Variants in MAPRE1 observed in about 807,000 individuals in gnomAD.
MAPRE1 encodes microtubule-associated protein RP/EB family member 1.
In MAPRE1, 5 loss-of-function variants were observed where a neutral mutation model predicts 32.1. The ratio of observed to expected loss-of-function variants is 0.16; its 90% CI spans 0.08 to 0.33. The LOEUF (loss-of-function observed/expected upper bound fraction) is 0.33, where lower values mean the gene tolerates loss of function less well. Among genes scored for constraint, MAPRE1 ranks in the 10% least tolerant of loss-of-function variants. The probability of loss-of-function intolerance (pLI) is 1.00; values close to 1 mark genes in which losing one functional copy is unlikely to be tolerated. For missense variants in MAPRE1, 209 were observed against 327.2 expected, an observed-to-expected ratio of 0.64 and a Z score of 2.79; for synonymous variants, 122 against 118.9, an observed-to-expected ratio of 1.03 and a Z score of -0.17.
chr20:32,829,103 G>A (rs529321753), intron 2 of MAPRE1, among the ~76,000 whole-genome samples: 2 of 152,096 alleles, frequency 1.3e-5, no homozygotes, highest in African/African-American at 2.4e-5. Context: ...TACTAGAGAC[G>A]GGGTTTCACC....
At chr20:32,837,998 G>A (rs1424220524) in intron 4 of MAPRE1, among the ~76,000 whole-genome samples, 1 of 152,142 alleles carries the variant, frequency 6.6e-6, no homozygotes, top group Non-Finnish European at 1.5e-5. Context: ...CAGGAGAATC[G>A]CTTGAACCCA....
upstream of MAPRE1, chr20:32,819,808 C>G (rs932709064): frequency 6.6e-6 from 1 of 152,178 alleles, no homozygotes; most frequent in African/African-American, 2.4e-5. Flanking sequence ...CCTCGGCTAC[C>G]GTTCTGTGGA....
chr20:32,846,492 T>C (rs1983509153), intron 5 of MAPRE1, 126 bp from the exon 6 acceptor site: 2 of 846,112 alleles, frequency 2.4e-6, no homozygotes, highest in Non-Finnish European at 3.8e-6. Context: ...GACATTAAAC[T>C]GATGTGGTTT....
rs201982572 is a variant in MAPRE1, at chr20:32,825,789, CAAAATAAAAT to C, written c.-3-115_-3-106del. 20 of 627,526 alleles carry C rather than the reference CAAAATAAAAT, an allele frequency of 3.2e-5. 1 individual carries two copies. In the South Asian group the frequency reaches 4.4e-4, roughly 14 times the overall value. 38.9% of individuals were successfully genotyped at this position (627,526 alleles called of 1,614,324 possible). On this transcript the variant is annotated intron_variant, in intron 1 of 6. Coordinates refer to ENST00000375571, the MANE Select transcript of MAPRE1 (RefSeq NM_012325.3). ...TGGGCGACAGAGTGAGACTCTGTCT[CAAAATAAAAT>C]AAAATAAAATAAAATAAAATTGAGT...
intron 2 of MAPRE1, among the ~76,000 whole-genome samples, chr20:32,832,124 C>T (rs571476787): frequency 3.1e-4 from 47 of 152,254 alleles, no homozygotes; most frequent in African/African-American, 1.0e-3. Flanking sequence ...CCAAAAATAA[C>T]GGTAACCGAA....
intron 2 of MAPRE1, among the ~76,000 whole-genome samples, chr20:32,831,456 G>A (rs1200383336): frequency 6.8e-6 from 1 of 148,110 alleles, no homozygotes; most frequent in Non-Finnish European, 1.5e-5. Context: ...TCATGCATAA[G>A]TTGTTGACTT....
chr20:32,848,992 C>A lies in MAPRE1; in HGVS notation c.*264C>A. The A allele has an allele frequency of 3.1e-6, 1 of 319,338 alleles. No individual in the cohort carries two copies. Among genetic ancestry groups the A allele is most frequent in the Non-Finnish European group, 5.8e-6 (1 of 173,544 alleles). The allele number at this position is 319,338 out of a possible 1,614,324, so 19.8% of individuals were successfully genotyped here. ...GAGGCTGACCGTGGGGCTCACCATG[C>A]GGATGCGGGTCACACTGAATGCTGG... On this transcript the variant is annotated 3_prime_UTR_variant, in exon 7 of 7. Coordinates refer to ENST00000375571, the MANE Select transcript of MAPRE1 (RefSeq NM_012325.3).
chr20:32,833,017 C>T (rs1156747680), intron 2 of MAPRE1, among the ~76,000 whole-genome samples: 7 of 151,340 alleles, frequency 4.6e-5, no homozygotes, highest in South Asian at 2.1e-4. Flanking sequence ...AATTAAATGA[C>T]GGGTTGGCTG....
Position 32,836,741 on chromosome 20 carries a change from C to G in MAPRE1, c.375C>G (p.Asp125Glu), listed in dbSNP as rs892043710. ...CAAACTATGATGGAAAAGACTATGA[C>G]CCTGTGGCTGCCAGACAAGGTCAAG... is the stretch of plus-strand genomic sequence containing the variant. ...FDANYDGKDY[D>E]PVAARQGQET... Residue 125 changes from aspartate to glutamate, a missense_variant, in exon 4 of 7, where the codon GAC becomes GAG. Around this residue, in one of 3 missense-constraint regions of MAPRE1, gnomAD observed 106 missense variants for 115.3 expected, o/e 0.92. Coordinates refer to ENST00000375571, the MANE Select transcript of MAPRE1 (RefSeq NM_012325.3). 6.2e-7 allele frequency: 1 copy of G among 1,613,970 alleles called. No individual in the cohort carries two copies. Among genetic ancestry groups the G allele is most frequent in the Admixed American group, 1.7e-5 (1 of 60,006 alleles).
chr20:32,834,247 G>A (rs35802810), intron 3 of MAPRE1, among the ~76,000 whole-genome samples: 28 of 152,204 alleles, frequency 1.8e-4, no homozygotes, highest in African/African-American at 5.8e-4. Context: ...TAGGCCAGGC[G>A]TGGTGGCTCA....
chr20:32,824,857 TA>T (rs1982797773), intron 1 of MAPRE1, among the ~76,000 whole-genome samples: 1 of 151,426 alleles, frequency 6.6e-6, no homozygotes, highest in Non-Finnish European at 1.5e-5. Context: ...TAGGAATTAA[TA>T]AAAACCCATC....
In MAPRE1 at chr20:32,833,770, A is replaced by C; in HGVS notation, c.175A>C (p.Lys59Gln). 6.2e-7 allele frequency: 1 copy of C among 1,614,130 alleles called. No individual in the cohort carries two copies. Among genetic ancestry groups the C allele is most frequent in the Non-Finnish European group, 8.5e-7 (1 of 1,180,016 alleles). The change falls in exon 3 of 7, where the codon AAG becomes CAG. Residue 59 changes from lysine (K) to glutamine (Q), a missense_variant. By Grantham distance (53) the Lys-to-Gln change is moderately conservative. Coordinates refer to ENST00000375571, the MANE Select transcript of MAPRE1 (RefSeq NM_012325.3). ...DMLFPGSIAL[K>Q]KVKFQAKLEH... is the part of the protein sequence containing the mutation. Reference sequence around the variant, plus strand: ...GCTGTTCCCTGGCTCCATTGCCTTGAAGAAAGTGAAATTCCAAGCTAAGCT... The same window carrying C: ...GCTGTTCCCTGGCTCCATTGCCTTGCAGAAAGTGAAATTCCAAGCTAAGCT...
chr20:32,843,155 T>G (rs1983410316), intron 5 of MAPRE1: 1 of 152,156 alleles, frequency 6.6e-6, no homozygotes, highest in Admixed American at 6.5e-5. Context: ...ATTTATTTAT[T>G]TATTAAATAT....
chr20:32,831,696 C>T (rs1983031354), intron 2 of MAPRE1, among the ~76,000 whole-genome samples: 1 of 151,574 alleles, frequency 6.6e-6, no homozygotes, highest in African/African-American at 2.4e-5. Flanking sequence ...CCACGCCTGG[C>T]CAATTTTTTT....
intron 2 of MAPRE1, among the ~76,000 whole-genome samples, chr20:32,833,085 C>G (rs967358705): frequency 6.6e-6 from 1 of 151,942 alleles, no homozygotes; most frequent in Non-Finnish European, 1.5e-5. Flanking sequence ...TGCCTATAGT[C>G]CCGCTACTCC....
At chr20:32,830,043 A>G (rs1277455818) in intron 2 of MAPRE1, among the ~76,000 whole-genome samples, 1 of 151,982 alleles carries the variant, frequency 6.6e-6, no homozygotes, top group Non-Finnish European at 1.5e-5. Context: ...GCCCCTCTGC[A>G]TTTTCTCAAG....
chr20:32,831,699 A>G (rs561222249), intron 2 of MAPRE1, among the ~76,000 whole-genome samples: 3 of 151,684 alleles, frequency 2.0e-5, no homozygotes, highest in East Asian at 2.0e-4. Flanking sequence ...CGCCTGGCCA[A>G]TTTTTTTGTA....
At chr20:32,834,851 G>A (rs1983141693) in intron 3 of MAPRE1, among the ~76,000 whole-genome samples, 1 of 152,144 alleles carries the variant, frequency 6.6e-6, no homozygotes, top group African/African-American at 2.4e-5. Flanking sequence ...GATCCCTCAT[G>A]TAACTCAATG....
chr20:32,827,238 T>G (rs1484300574), intron 2 of MAPRE1, among the ~76,000 whole-genome samples: 1 of 152,064 alleles, frequency 6.6e-6, no homozygotes, highest in African/African-American at 2.4e-5. Context: ...AAACCCCGTC[T>G]CTACTAAAAG....
Sources: allele counts gnomAD v4.1 joint callset (sites outside exome capture counted in the v4.1 genomes callset), GRCh38; gene constraint gnomAD v4.1.1; regional missense constraint gnomAD v4.1.1; transcripts MANE v1.5; gene names NCBI Gene and HGNC (gene_info 2026-07-23, HGNC 2026-07-21).